Variants in INPP4B observed in about 807,000 individuals in gnomAD.
INPP4B encodes the protein inositol polyphosphate 4-phosphatase type II.
A neutral mutation model predicts 122.5 loss-of-function variants in INPP4B; 55 were observed. The ratio of observed to expected loss-of-function variants is 0.45; its 90% CI spans 0.36 to 0.56. The LOEUF (loss-of-function observed/expected upper bound fraction) is 0.56, where lower values mean the gene tolerates loss of function less well. INPP4B is among the 20% of genes least tolerant of loss of function. INPP4B has a pLI of 0.00. For missense variants in INPP4B, 1,000 were observed against 1,097.7 expected (o/e 0.91, Z 1.26); for synonymous variants, 403 against 388.7 (o/e 1.04, Z -0.43).
At chr4:142,812,106 A>G (rs1254523073) in intron 1 of INPP4B, among the ~76,000 whole-genome samples, 2 of 152,174 alleles carry the variant, frequency 1.3e-5, no homozygotes, top group Non-Finnish European at 2.9e-5. Flanking sequence ...CTAATGAGAG[A>G]TAGAGCTTCT....
At chr4:142,142,021 C>A (rs1030647547) in intron 18 of INPP4B, among the ~76,000 whole-genome samples, 1 of 151,842 alleles carries the variant, frequency 6.6e-6, no homozygotes, top group Non-Finnish European at 1.5e-5. Context: ...AAACAAAAAA[C>A]CAGAAGTAAT....
intron 3 of INPP4B, among the ~76,000 whole-genome samples, chr4:142,452,830 T>A (rs910436961): frequency 6.6e-6 from 1 of 152,180 alleles, no homozygotes; most frequent in African/African-American, 2.4e-5. Flanking sequence ...CATTGGATTT[T>A]GCCTACTTAA....
At chr4:142,680,874 G>A (rs1190243885) in intron 2 of INPP4B, among the ~76,000 whole-genome samples, 1 of 151,852 alleles carries the variant, frequency 6.6e-6, no homozygotes, top group African/African-American at 2.4e-5. Context: ...GGCTATCATA[G>A]TAGATGGGCT....
intron 1 of INPP4B, among the ~76,000 whole-genome samples, chr4:142,824,296 T>TTATC (rs369651255): frequency 1.3e-4 from 19 of 150,530 alleles, no homozygotes; most frequent in African/African-American, 4.2e-4. Context: ...TACCTATCTA[T>TTATC]TATCTATCTG....
At chr4:142,836,513 T>TA (rs1175948880) in intron 1 of INPP4B, among the ~76,000 whole-genome samples, 1 of 152,098 alleles carries the variant, frequency 6.6e-6, no homozygotes, top group African/African-American at 2.4e-5. Flanking sequence ...AGGAATTATT[T>TA]AAAAACTGCT....
chr4:142,329,681 G>A (rs576904270), intron 7 of INPP4B, among the ~76,000 whole-genome samples: 1 of 152,266 alleles, frequency 6.6e-6, no homozygotes, highest in South Asian at 2.1e-4. Context: ...TTACTGGGTA[G>A]CCTTGAGTTG....
chr4:142,603,629 C>T (rs374922719), intron 2 of INPP4B, among the ~76,000 whole-genome samples: 1 of 151,704 alleles, frequency 6.6e-6, no homozygotes, highest in East Asian at 1.9e-4. Flanking sequence ...TGGACAAATT[C>T]CAGGAAACAT....
Position 142,661,144 on chromosome 4 carries a change from G to A in INPP4B, c.-191+64695C>T, listed in dbSNP as rs563837696. Among the ~76,000 whole-genome samples, 9 of 152,176 alleles carry A rather than the reference G, an allele frequency of 5.9e-5. 1 individual carries two copies. The highest frequency in any genetic ancestry group is 9.6e-5 in the African/African-American group (4 of 41,526). ...CGCCAGGCAGGTGTTTCCCCCACCC[G>A]TTTTTCTCCCTTTTCACCCAATAAA... On this transcript the variant is annotated intron_variant, in intron 2 of 25. Transcript: ENST00000262992.
chr4:142,427,498 G>A (rs898301630), intron 5 of INPP4B: 11 of 662,352 alleles, frequency 1.7e-5, no homozygotes, highest in Middle Eastern at 2.4e-4. Flanking sequence ...AAGTGATGAT[G>A]GTGTTGTTAC....
intron 2 of INPP4B, among the ~76,000 whole-genome samples, chr4:142,515,826 A>G (rs1306236344): frequency 6.6e-6 from 1 of 152,170 alleles, no homozygotes; most frequent in African/African-American, 2.4e-5. Context: ...TCTACTTTTT[A>G]ATATTATTAT....
chr4:142,076,768 C>A lies in INPP4B; in HGVS notation c.2642+5263G>T, dbSNP rs180902900. Among the ~76,000 whole-genome samples the A allele has an allele frequency of 4.9e-4, 74 of 152,060 alleles. No homozygotes were observed. In the South Asian group the frequency reaches 8.9e-3, roughly 18 times the overall value. Reference sequence around the variant, plus strand: ...ATAATAAAATTTAAAAAAATAGCTGCAAGCTTCAATTACCTATGCTTACAA... The same window carrying A: ...ATAATAAAATTTAAAAAAATAGCTGAAAGCTTCAATTACCTATGCTTACAA... On this transcript the variant is annotated intron_variant, in intron 25 of 25. Transcript: ENST00000262992.
intron 1 of INPP4B, among the ~76,000 whole-genome samples, chr4:142,772,708 T>C (rs1580879761): frequency 6.6e-6 from 1 of 152,054 alleles, no homozygotes; most frequent in Non-Finnish European, 1.5e-5. Flanking sequence ...GGAGTGTGGG[T>C]AATGTATGAA....
intron 25 of INPP4B, among the ~76,000 whole-genome samples, chr4:142,065,448 T>C (rs1560991712): frequency 6.6e-6 from 1 of 152,122 alleles, no homozygotes; most frequent in Non-Finnish European, 1.5e-5. Context: ...CCCTGTTTTG[T>C]TGTAGGGAAT....
intron 25 of INPP4B, among the ~76,000 whole-genome samples, chr4:142,036,613 T>C (rs1744130334): frequency 6.6e-6 from 1 of 152,212 alleles, no homozygotes. Flanking sequence ...AATTTTCCAG[T>C]CTGCATGTTG....
chr4:142,327,389 T>C (rs1357545015), intron 7 of INPP4B, among the ~76,000 whole-genome samples: 1 of 151,246 alleles, frequency 6.6e-6, no homozygotes, highest in African/African-American at 2.4e-5. Flanking sequence ...AAACCCCCCA[T>C]ACAAATTAAT....
intron 25 of INPP4B, among the ~76,000 whole-genome samples, chr4:142,080,842 C>T (rs180860860): frequency 2.2e-3 from 337 of 152,190 alleles, no homozygotes; most frequent in Non-Finnish European, 4.1e-3. Flanking sequence ...CATTTCTGTT[C>T]TTTTTCTGCA....
chr4:142,266,759 G>A (rs1203063431), intron 10 of INPP4B, among the ~76,000 whole-genome samples: 1 of 152,030 alleles, frequency 6.6e-6, no homozygotes, highest in Non-Finnish European at 1.5e-5. Context: ...AATAGGAAAG[G>A]AAGAAGGGAA....
At chr4:142,542,617 A>T (rs1829070205) in intron 2 of INPP4B, among the ~76,000 whole-genome samples, 1 of 152,220 alleles carries the variant, frequency 6.6e-6, no homozygotes, top group South Asian at 2.1e-4. Context: ...TTATTAAAGA[A>T]TAAAATATGA....
intron 25 of INPP4B, among the ~76,000 whole-genome samples, chr4:142,081,434 A>G (rs1308118403): frequency 6.6e-6 from 1 of 152,196 alleles, no homozygotes. Flanking sequence ...GACTTCGGGC[A>G]CAGCATTTTA....
Sources: gnomAD v4.1 joint callset for allele counts (sites outside exome capture counted in the v4.1 genomes callset) on GRCh38, gnomAD v4.1.1 for gene constraint, MANE v1.5 for transcripts, NCBI Gene and HGNC (gene_info 2026-07-23, HGNC 2026-07-21) for gene names.